The following OSBPL5 variants were observed in gnomAD, a reference collection of about 807,000 sequenced individuals.
OSBPL5 encodes oxysterol binding protein like 5, also known as oxysterol-binding protein-related protein 5.
In OSBPL5, 71 loss-of-function variants were observed where a neutral mutation model predicts 111.2. The observed-to-expected ratio is 0.64, with a 90% CI of 0.53 to 0.78. The LOEUF is 0.78. OSBPL5 is among the 30% of genes least tolerant of loss of function. The pLI, the probability that OSBPL5 is intolerant of heterozygous loss-of-function variation, is 0.00. For missense variants in OSBPL5, 1,210 were observed against 1,189.3 expected (o/e 1.02, Z -0.26); for synonymous variants, 549 against 513.9 (o/e 1.07, Z -0.93).
chr11:3,103,261 G>A lies in OSBPL5; in HGVS notation c.1304C>T (p.Ser435Phe). Reference protein sequence around the residue: ...RMKLVLRWYLSGFYKKPKGIK... With the variant: ...RMKLVLRWYLFGFYKKPKGIK... ...CACCTTGGGCTTCTTGTAGAAGCCAGACAGGTACCACCGCAGCACCAGCTT... is the reference window on the plus strand; with the variant it reads ...CACCTTGGGCTTCTTGTAGAAGCCAAACAGGTACCACCGCAGCACCAGCTT... The change falls in exon 11 of 22, where the codon TCT (serine) becomes TTT (phenylalanine). Residue 435 changes from serine (S) to phenylalanine (F), a missense_variant. By Grantham distance (155) the Ser-to-Phe change is radical. Coordinates refer to ENST00000263650, the MANE Select transcript of OSBPL5 (RefSeq NM_020896.4). 1.2e-6 allele frequency: 2 copies of A among 1,606,974 alleles called. No homozygotes were observed. Among genetic ancestry groups the A allele is most frequent in the South Asian group, 1.1e-5 (1 of 89,732 alleles).
chr11:3,147,625 C>T (rs1452519338), intron 1 of OSBPL5, among the ~76,000 whole-genome samples: 1 of 152,238 alleles, frequency 6.6e-6, no homozygotes, highest in African/African-American at 2.4e-5. Context: ...CAGGGATGGA[C>T]TTCCAGAAAT....
rs1180799978 is a variant in OSBPL5 at position 3,141,705 on chromosome 11, C to T, written c.-21-12536G>A. ...ATTCTCATGCATCCCAGTGCTTTGCCGAGGTGCCTACGCCACCCTTGCATG... is the reference window on the plus strand; with the variant it reads ...ATTCTCATGCATCCCAGTGCTTTGCTGAGGTGCCTACGCCACCCTTGCATG... On this transcript the variant is annotated intron_variant, in intron 1 of 21. Transcript: ENST00000263650. This position sits in a 1 kb window ranked among gnomAD's most constrained non-coding sequence, Gnocchi z 6.5. Among the ~76,000 whole-genome samples, 4 of 152,108 alleles carry T rather than the reference C, an allele frequency of 2.6e-5. No individual in the cohort carries two copies. Among genetic ancestry groups the T allele is most frequent in the East Asian group, 3.9e-4 (2 of 5,180 alleles).
rs1443503777 is a variant in OSBPL5 at position 3,110,797 on chromosome 11, C to T, written c.692-2852G>A. 6.6e-6 allele frequency among the ~76,000 whole-genome samples: 1 copy of T among 152,130 alleles called. No individual in the cohort carries two copies. Among genetic ancestry groups the T allele is most frequent in the Admixed American group, 6.5e-5 (1 of 15,272 alleles). ...GAAGCCCCTCCCCGCTTGAAGTTGT[C>T]CCGCCTTTCCAGACCAAACCAATGT... is the stretch of plus-strand genomic sequence containing the variant. On this transcript the variant is annotated intron_variant, in intron 7 of 21. Transcript: ENST00000263650. The surrounding 1 kb of genome is among the most constrained non-coding windows in gnomAD (Gnocchi z 5.3).
chr11:3,149,033 C>T (rs1846471576), intron 1 of OSBPL5, among the ~76,000 whole-genome samples: 1 of 152,158 alleles, frequency 6.6e-6, no homozygotes, highest in African/African-American at 2.4e-5. Flanking sequence ...CAGAACCTGC[C>T]CCAGCCCTGA....
chr11:3,145,163 G>A lies in OSBPL5; in HGVS notation c.-21-15994C>T, dbSNP rs573610644. 4.2e-3 allele frequency among the ~76,000 whole-genome samples: 633 copies of A among 152,266 alleles called. 3 individuals carry two copies. The highest frequency in any genetic ancestry group is 6.1e-3 in the Non-Finnish European group (412 of 68,004). ...GTGCACCTGGGCTGGCCCCGTGCCC[G>A]CCTGGATTTGACGAAGCCCATCAAC... On this transcript the variant is annotated intron_variant, in intron 1 of 21. Coordinates refer to ENST00000263650, the MANE Select transcript of OSBPL5 (RefSeq NM_020896.4).
rs575277111 is a variant in OSBPL5, at chr11:3,127,635, C to T, written c.137-1080G>A. On this transcript the variant is annotated intron_variant, in intron 2 of 21. Coordinates refer to ENST00000263650, the MANE Select transcript of OSBPL5 (RefSeq NM_020896.4). ...AGTGCTGGGGGGAGGCTAGCAGGAG[C>T]GCTCTTCCCTCTGGCACTTTCTCAT... 8.2e-4 allele frequency among the ~76,000 whole-genome samples: 125 copies of T among 152,336 alleles called. 1 individual carries two copies. The highest frequency in any genetic ancestry group is 3.4e-3 in the Middle Eastern group (1 of 294).
At chr11:3,118,346 A>C (rs112946661) in intron 7 of OSBPL5, among the ~76,000 whole-genome samples, 5,794 of 152,266 alleles carry the variant, frequency 0.038, 129 homozygotes, top group Middle Eastern at 0.051. Flanking sequence ...AAAGGAATGC[A>C]ACCATTTGTC....
At chr11:3,151,961 C>G (rs1022811823) in intron 1 of OSBPL5, among the ~76,000 whole-genome samples, 1 of 152,254 alleles carries the variant, frequency 6.6e-6, no homozygotes, top group Non-Finnish European at 1.5e-5. Context: ...CGAGCCAGCT[C>G]GGAAGTGTGC....
intron 1 of OSBPL5, among the ~76,000 whole-genome samples, chr11:3,153,550 C>CGCCAG (rs1846655640): frequency 6.6e-6 from 1 of 152,164 alleles, no homozygotes; most frequent in African/African-American, 2.4e-5. Flanking sequence ...GGGCTGATGA[C>CGCCAG]GCCAGCACCG....
rs778354267 is a variant in OSBPL5, at chr11:3,107,840, T to C, written c.797A>G (p.Asp266Gly). The part of the protein sequence containing the change: ...GRDGEPGTSP[D>G]ASPSSLCGLP... ...CCCACAGAGCGATGAGGGTGATGCG[T>C]CTGGCGAGGTCCCTGGCTCCCCGTC... The change falls in exon 8 of 22, where the codon GAC (aspartate) becomes GGC (glycine). Residue 266 changes from aspartate to glycine, a missense_variant. Transcript: ENST00000263650. This position sits in a 1 kb window ranked among gnomAD's most constrained non-coding sequence, Gnocchi z 6.1. 1 of 1,611,818 alleles carries C rather than the reference T, an allele frequency of 6.2e-7. No individual in the cohort carries two copies. Among genetic ancestry groups the C allele is most frequent in the East Asian group, 2.2e-5 (1 of 44,860 alleles).
intron 19 of OSBPL5, among the ~76,000 whole-genome samples, chr11:3,091,519 G>A (rs1220257353): frequency 6.6e-6 from 1 of 152,152 alleles, no homozygotes; most frequent in Non-Finnish European, 1.5e-5. Context: ...GCTGCAGAGG[G>A]CATTGGGGGT....
chr11:3,147,109 C>T (rs991007534), intron 1 of OSBPL5, among the ~76,000 whole-genome samples: 12 of 135,052 alleles, frequency 8.9e-5, no homozygotes, highest in Admixed American at 3.1e-4. Flanking sequence ...GAACCACAGC[C>T]GTGTGACTCA....
chr11:3,107,588 G>T lies in OSBPL5; in HGVS notation c.867-133C>A. On this transcript the variant is annotated intron_variant, in intron 8 of 21. Transcript: ENST00000263650. The surrounding 1 kb of genome is among the most constrained non-coding windows in gnomAD (Gnocchi z 6.1). ...GTCGTCACCTCCACAACCCACATTT[G>T]ACACGATCAGCCCCGTTTTAGAGGA... 1.5e-6 allele frequency: 2 copies of T among 1,357,796 alleles called. No homozygotes were observed. Among genetic ancestry groups the T allele is most frequent in the Non-Finnish European group, 1.0e-6 (1 of 977,046 alleles). 84.1% of individuals were successfully genotyped at this position (1,357,796 alleles called of 1,614,324 possible). A position where few individuals can be genotyped will look rare whatever the true frequency, so the allele number is the denominator to read the frequency against.
chr11:3,111,513 A>T (rs926155261), intron 7 of OSBPL5, among the ~76,000 whole-genome samples: 1 of 152,146 alleles, frequency 6.6e-6, no homozygotes, highest in African/African-American at 2.4e-5. Context: ...TGATCACGTA[A>T]GTTGTGCGAT....
At chr11:3,102,381 A>C in intron 11 of OSBPL5, 100 bp from the exon 12 acceptor site, 1 of 1,070,038 alleles carries the variant, frequency 9.3e-7, no homozygotes. Context: ...TGGGTGGGCT[A>C]CCCGCTGCCT....
chr11:3,133,656 C>T (rs951616649), intron 1 of OSBPL5, among the ~76,000 whole-genome samples: 1 of 152,238 alleles, frequency 6.6e-6, no homozygotes, highest in Admixed American at 6.5e-5. Context: ...CCTCAGCCTG[C>T]AGTTGCCAAA....
rs1846675404 is a variant in OSBPL5, at chr11:3,154,086, G to A, written c.-22+11130C>T. ...ACATGGCATTCAAACCGCCGCTGGT[G>A]TGTGGCCCCTTATCCACTCTCCCTG... On this transcript the variant is annotated intron_variant, in intron 1 of 21. Transcript: ENST00000263650. This position sits in a 1 kb window ranked among gnomAD's most constrained non-coding sequence, Gnocchi z 4.9. 6.6e-6 allele frequency among the ~76,000 whole-genome samples: 1 copy of A among 152,234 alleles called. No individual in the cohort carries two copies. The highest frequency in any genetic ancestry group is 1.5e-5 in the Non-Finnish European group (1 of 68,042).
chr11:3,106,152 G>C lies in OSBPL5; in HGVS notation c.1059+1111C>G, dbSNP rs901434019. 1.3e-5 allele frequency among the ~76,000 whole-genome samples: 2 copies of C among 152,178 alleles called. No homozygotes were observed. The highest frequency in any genetic ancestry group is 6.5e-5 in the Admixed American group (1 of 15,288). On this transcript the variant is annotated intron_variant, in intron 9 of 21. Transcript: ENST00000263650. This position sits in a 1 kb window ranked among gnomAD's most constrained non-coding sequence, Gnocchi z 8.4. ...CTGAGCTCTGTGGGAACAGCAGCCC[G>C]CAGGGAGGCCATGGTGTTCCACTGA...
chr11:3,094,192 G>A (rs961165339), intron 15 of OSBPL5, 45 bp downstream of exon 15: 9 of 1,577,844 alleles, frequency 5.7e-6, no homozygotes, highest in South Asian at 2.3e-5. Flanking sequence ...CCAAGGCTTC[G>A]TTCCTTCCCT....
Sources: allele counts gnomAD v4.1 joint callset (sites outside exome capture counted in the v4.1 genomes callset), GRCh38; gene constraint gnomAD v4.1.1; non-coding constraint Gnocchi (gnomAD v3.1); transcripts MANE v1.5; gene names NCBI Gene and HGNC (gene_info 2026-07-23, HGNC 2026-07-21).